HS6ST3: variants seen among roughly 807,000 people sequenced by gnomAD.
HS6ST3 encodes heparan-sulfate 6-O-sulfotransferase 3.
HS6ST3 carries 12 observed loss-of-function variants against 36.7 expected under a neutral mutation model. The ratio of observed to expected loss-of-function variants is 0.33; its 90% CI spans 0.21 to 0.53. The LOEUF (loss-of-function observed/expected upper bound fraction) is 0.53, where lower values mean the gene tolerates loss of function less well. HS6ST3 is among the 20% of genes least tolerant of loss of function. The probability of loss-of-function intolerance (pLI) is 0.95; values close to 1 mark genes in which losing one functional copy is unlikely to be tolerated. For synonymous variants in HS6ST3, 240 were observed against 257.5 expected (o/e 0.93, Z 0.65); for missense variants, 584 against 640.9 (o/e 0.91, Z 0.96).
intron 1 of HS6ST3, among the ~76,000 whole-genome samples, chr13:96,288,638 C>T (rs1327943011): frequency 6.6e-6 from 1 of 152,032 alleles, no homozygotes; most frequent in Admixed American, 6.6e-5. Flanking sequence ...GAAAATACTT[C>T]AGCGTGATAA....
At position 96,839,231 on chromosome 13, in the gene HS6ST3, CTCAGAAGTACTTCTG is replaced by C. The variant is rs1418334981; in HGVS notation, c.*6034_*6048del. 2 of 151,234 alleles carry C rather than the reference CTCAGAAGTACTTCTG, an allele frequency of 1.3e-5. No individual in the cohort carries two copies. The highest frequency in any genetic ancestry group is 6.6e-5 in the Admixed American group (1 of 15,232). 9.4% of individuals were successfully genotyped at this position (151,234 alleles called of 1,614,324 possible). On this transcript the variant is annotated 3_prime_UTR_variant, in exon 2 of 2. Coordinates refer to ENST00000376705, the MANE Select transcript of HS6ST3 (RefSeq NM_153456.4). ...TTTTTTCACTTTCCTTTTTTTCTTT[CTCAGAAGTACTTCTG>C]GGGCTTTGATTGCATTATTTCTCTT...
At chr13:96,269,413 A>T (rs773378451) in intron 1 of HS6ST3, among the ~76,000 whole-genome samples, 1 of 152,046 alleles carries the variant, frequency 6.6e-6, no homozygotes, top group African/African-American at 2.4e-5. Flanking sequence ...TTATCAACCT[A>T]TTCCTCAAAC....
intron 1 of HS6ST3, among the ~76,000 whole-genome samples, chr13:96,398,391 T>C (rs1402837402): frequency 6.6e-6 from 1 of 152,208 alleles, no homozygotes; most frequent in African/African-American, 2.4e-5. Context: ...CAAGTGATTC[T>C]CCTGCCTCAG....
chr13:96,145,886 C>T (rs1476568672), intron 1 of HS6ST3, among the ~76,000 whole-genome samples: 2 of 152,114 alleles, frequency 1.3e-5, no homozygotes, highest in Non-Finnish European at 2.9e-5. Context: ...AGCCAGTTTC[C>T]CCAGCACCAT....
At chr13:96,369,598 C>T (rs1320994787) in intron 1 of HS6ST3, among the ~76,000 whole-genome samples, 1 of 152,146 alleles carries the variant, frequency 6.6e-6, no homozygotes, top group Non-Finnish European at 1.5e-5. Context: ...CATTTGTTAG[C>T]ACCTCACTGG....
intron 1 of HS6ST3, among the ~76,000 whole-genome samples, chr13:96,357,538 A>G (rs1473349282): frequency 4.6e-5 from 7 of 152,044 alleles, no homozygotes. Flanking sequence ...GTCAGAACAC[A>G]CACATTTCCT....
At chr13:96,573,699 T>C in intron 1 of HS6ST3, 1 of 291,964 alleles carries the variant, frequency 3.4e-6, no homozygotes, top group Non-Finnish European at 6.5e-6. Flanking sequence ...GCCCAAATTA[T>C]CTGGAAGTGA....
chr13:96,522,155 C>T (rs951240759), intron 1 of HS6ST3, among the ~76,000 whole-genome samples: 4 of 152,210 alleles, frequency 2.6e-5, no homozygotes, highest in South Asian at 2.1e-4. Flanking sequence ...TGTAGTTGTG[C>T]GGTTTTGAGT....
At chr13:96,754,044 C>T (rs1021768739) in intron 1 of HS6ST3, among the ~76,000 whole-genome samples, 1 of 152,120 alleles carries the variant, frequency 6.6e-6, no homozygotes, top group Non-Finnish European at 1.5e-5. Context: ...ATCTCGAACT[C>T]CTGACCTCAA....
At chr13:96,126,527 A>T (rs2053952000) in intron 1 of HS6ST3, among the ~76,000 whole-genome samples, 1 of 152,178 alleles carries the variant, frequency 6.6e-6, no homozygotes, top group Admixed American at 6.5e-5. Context: ...AGCATAGCAG[A>T]AAAGGGGCTG....
chr13:96,139,575 A>G lies in HS6ST3; in HGVS notation c.707+48006A>G, dbSNP rs1462902225. ...AAAAAAAAAAAAAAAAAATCCATGT[A>G]TAAGTTAATTTGGTATATATATAAG... On this transcript the variant is annotated intron_variant, in intron 1 of 1. Coordinates refer to ENST00000376705, the MANE Select transcript of HS6ST3 (RefSeq NM_153456.4). Among the ~76,000 whole-genome samples the G allele has an allele frequency of 2.1e-5, 3 of 145,796 alleles. No homozygotes were observed. The Admixed American group carries it at 2.1e-4, about 10-fold the overall frequency.
intron 1 of HS6ST3, among the ~76,000 whole-genome samples, chr13:96,381,642 A>G (rs1013493294): frequency 6.6e-6 from 1 of 152,000 alleles, no homozygotes; most frequent in African/African-American, 2.4e-5. Flanking sequence ...ATTTCTCACT[A>G]AGTGCTCACT....
chr13:96,622,004 A>G (rs2056496748), intron 1 of HS6ST3, among the ~76,000 whole-genome samples: 1 of 55,902 alleles, frequency 1.8e-5, no homozygotes, highest in African/African-American at 4.9e-5. Context: ...CTATGTGCAA[A>G]GGGTGTAACA....
intron 1 of HS6ST3, among the ~76,000 whole-genome samples, chr13:96,419,161 A>G (rs2055549842): frequency 1.3e-5 from 2 of 152,244 alleles, no homozygotes; most frequent in Admixed American, 1.3e-4. Flanking sequence ...AGATCATAAA[A>G]ATATTCAGAT....
rs536862059 is a variant in HS6ST3, at chr13:96,498,468, C to T, written c.708-334022C>T. On this transcript the variant is annotated intron_variant, in intron 1 of 1. Transcript: ENST00000376705. Reference sequence around the variant, plus strand: ...GGGCCTCTTTAGGATGGCTCCTTGTCTTTTAAATCCCAGTTTAAATGTCTC... The same window carrying T: ...GGGCCTCTTTAGGATGGCTCCTTGTTTTTTAAATCCCAGTTTAAATGTCTC... Among the ~76,000 whole-genome samples the T allele has an allele frequency of 3.3e-5, 5 of 152,270 alleles. No individual in the cohort carries two copies. The South Asian group carries it at 1.0e-3, about 32-fold the overall frequency.
intron 1 of HS6ST3, among the ~76,000 whole-genome samples, chr13:96,133,854 T>C (rs1341238353): frequency 6.6e-6 from 1 of 152,028 alleles, no homozygotes; most frequent in Non-Finnish European, 1.5e-5. Flanking sequence ...TTTTTTTTTT[T>C]TTTTTTAGTA....
Position 96,329,530 on chromosome 13 carries a change from C to T in HS6ST3, c.707+237961C>T, listed in dbSNP as rs1026698966. 5.4e-5 allele frequency among the ~76,000 whole-genome samples: 8 copies of T among 147,486 alleles called. 1 individual carries two copies. Among genetic ancestry groups the T allele is most frequent in the East Asian group, 3.9e-4 (2 of 5,110 alleles). On this transcript the variant is annotated intron_variant, in intron 1 of 1. Coordinates refer to ENST00000376705, the MANE Select transcript of HS6ST3 (RefSeq NM_153456.4). Reference sequence around the variant, plus strand: ...TTAATCCTAAGTTCTAGTTTGATTGCGCTGTGGTCTGAGAGATAGTTTGTT... The same window carrying T: ...TTAATCCTAAGTTCTAGTTTGATTGTGCTGTGGTCTGAGAGATAGTTTGTT...
intron 1 of HS6ST3, among the ~76,000 whole-genome samples, chr13:96,205,284 T>C (rs1320019184): frequency 6.6e-6 from 1 of 152,112 alleles, no homozygotes; most frequent in East Asian, 1.9e-4. Context: ...CAGGAAGAAA[T>C]TGAGTCCCTA....
chr13:96,777,215 A>G (rs1877410073), intron 1 of HS6ST3, among the ~76,000 whole-genome samples: 2 of 152,236 alleles, frequency 1.3e-5, no homozygotes, highest in Admixed American at 6.5e-5. Flanking sequence ...GCTATTCATG[A>G]CAAAGCCATA....
Sources: allele counts gnomAD v4.1 joint callset (sites outside exome capture counted in the v4.1 genomes callset), GRCh38; gene constraint gnomAD v4.1.1; transcripts MANE v1.5; gene names NCBI Gene and HGNC (gene_info 2026-07-23, HGNC 2026-07-21).